Variants in ATRNL1 observed in about 807,000 individuals in gnomAD.
ATRNL1 encodes attractin-like protein 1.
A neutral mutation model predicts 182.7 loss-of-function variants in ATRNL1; 95 were observed. The observed-to-expected ratio is 0.52, with a 90% confidence interval of 0.44 to 0.62. The LOEUF (loss-of-function observed/expected upper bound fraction) is 0.62, where lower values mean the gene tolerates loss of function less well. ATRNL1 is among the 20% of genes least tolerant of loss of function. The pLI, the probability that ATRNL1 is intolerant of heterozygous loss-of-function variation, is 0.00. For synonymous variants in ATRNL1, 576 were observed against 568.3 expected (o/e 1.01, Z -0.19); for missense variants, 1,471 against 1,679.5 (o/e 0.88, Z 2.17).
chr10:115,922,266 A>G (rs980550448), intron 28 of ATRNL1, among the ~76,000 whole-genome samples: 2 of 152,324 alleles, frequency 1.3e-5, no homozygotes, highest in Admixed American at 1.3e-4. Flanking sequence ...AGGGATCTGT[A>G]TGTTTTAATA....
At chr10:115,261,827 A>G (rs782318950) in intron 10 of ATRNL1, among the ~76,000 whole-genome samples, 4 of 151,994 alleles carry the variant, frequency 2.6e-5, no homozygotes, top group Non-Finnish European at 5.9e-5. Context: ...CCAGGAATTA[A>G]TTTAGTCCAG....
chr10:115,922,115 A>G (rs1953084060), intron 28 of ATRNL1, among the ~76,000 whole-genome samples: 1 of 152,116 alleles, frequency 6.6e-6, no homozygotes, highest in South Asian at 2.1e-4. Context: ...CCCTGCCCCC[A>G]CGTTCACTGG....
chr10:115,261,607 C>G (rs1399832543), intron 10 of ATRNL1, among the ~76,000 whole-genome samples: 1 of 151,990 alleles, frequency 6.6e-6, no homozygotes, highest in Non-Finnish European at 1.5e-5. Flanking sequence ...AGTAGATATA[C>G]AGAAAGGTAA....
intron 21 of ATRNL1, among the ~76,000 whole-genome samples, chr10:115,445,506 C>CGTGT (rs57237450): frequency 0.022 from 2,592 of 119,198 alleles, 27 homozygotes; most frequent in African/African-American, 0.031. Context: ...CTCATTTGTC[C>CGTGT]GTGTGTGTGT....
At chr10:115,283,150 A>G (rs1342080880) in intron 14 of ATRNL1, among the ~76,000 whole-genome samples, 1 of 152,146 alleles carries the variant, frequency 6.6e-6, no homozygotes, top group Non-Finnish European at 1.5e-5. Flanking sequence ...ACGGTGTCTC[A>G]CACCTGTAAT....
chr10:115,727,454 T>C, intron 27 of ATRNL1, 99 bp downstream of exon 27: 1 of 859,184 alleles, frequency 1.2e-6, no homozygotes, highest in Non-Finnish European at 1.9e-6. Context: ...CAGAGTCTGA[T>C]TATCTACAGT....
chr10:115,932,058 C>T (rs1423657749), intron 28 of ATRNL1, among the ~76,000 whole-genome samples: 1 of 152,198 alleles, frequency 6.6e-6, no homozygotes, highest in Non-Finnish European at 1.5e-5. Flanking sequence ...CTTTCTGACA[C>T]TTCTCAATCT....
intron 9 of ATRNL1, among the ~76,000 whole-genome samples, chr10:115,232,109 G>A (rs1158990591): frequency 1.3e-5 from 2 of 152,032 alleles, no homozygotes; most frequent in Non-Finnish European, 2.9e-5. Context: ...ATTGTTTCAC[G>A]ACAGTTTGTC....
At chr10:115,565,728 T>C (rs186420905) in intron 26 of ATRNL1, among the ~76,000 whole-genome samples, 119 of 152,254 alleles carry the variant, frequency 7.8e-4, no homozygotes, top group Non-Finnish European at 1.4e-3. Flanking sequence ...TGTAAGATTA[T>C]AATTAAAAAC....
chr10:115,917,010 G>A (rs1555117425), intron 28 of ATRNL1, among the ~76,000 whole-genome samples: 3 of 152,324 alleles, frequency 2.0e-5, no homozygotes, highest in Non-Finnish European at 4.4e-5. Context: ...TACAAGTGAA[G>A]AGAGCTGCTA....
intron 26 of ATRNL1, among the ~76,000 whole-genome samples, chr10:115,717,305 C>T (rs1317480437): frequency 6.6e-6 from 1 of 152,066 alleles, no homozygotes; most frequent in Non-Finnish European, 1.5e-5. Flanking sequence ...CTGAGATATA[C>T]AAAGAAAATT....
chr10:115,912,252 T>C (rs1952703168), intron 28 of ATRNL1, among the ~76,000 whole-genome samples: 1 of 152,122 alleles, frequency 6.6e-6, no homozygotes, highest in Non-Finnish European at 1.5e-5. Flanking sequence ...TTAAGGAAAT[T>C]AACATATCCA....
chr10:115,564,838 A>C (rs1263874041), intron 26 of ATRNL1, among the ~76,000 whole-genome samples: 1 of 151,980 alleles, frequency 6.6e-6, no homozygotes, highest in Non-Finnish European at 1.5e-5. Context: ...TAATAATAGC[A>C]TATTCTTTAT....
At chr10:115,366,441 C>T (rs1554945950) in intron 19 of ATRNL1, among the ~76,000 whole-genome samples, 1 of 152,080 alleles carries the variant, frequency 6.6e-6, no homozygotes, top group Non-Finnish European at 1.5e-5. Context: ...TTCCTGAATA[C>T]AGCACACTGA....
intron 1 of ATRNL1, among the ~76,000 whole-genome samples, chr10:115,112,057 CAAAA>C (rs200465560): frequency 7.6e-6 from 1 of 131,982 alleles, no homozygotes; most frequent in Non-Finnish European, 1.6e-5. Flanking sequence ...AAAAACAAAA[CAAAA>C]AAAACCCAAA....
chr10:115,228,900 G>A (rs368939532), intron 9 of ATRNL1, among the ~76,000 whole-genome samples: 39 of 151,352 alleles, frequency 2.6e-4, no homozygotes, highest in African/African-American at 8.5e-4. Flanking sequence ...TGAGTAGCTG[G>A]GATTACAGGC....
chr10:115,559,444 G>GTGTA (rs1554998463), intron 26 of ATRNL1, among the ~76,000 whole-genome samples: 1,099 of 62,808 alleles, frequency 0.017, 5 homozygotes, highest in Non-Finnish European at 0.025. Context: ...GTGTGTGTGT[G>GTGTA]CGCGCGCGCA....
intron 8 of ATRNL1, among the ~76,000 whole-genome samples, chr10:115,196,708 A>G (rs1848375932): frequency 6.6e-6 from 1 of 152,110 alleles, no homozygotes. Context: ...TAAATTTATA[A>G]CAGCTGATTG....
At position 115,115,075 on chromosome 10, in the gene ATRNL1, G is replaced by A. The variant is rs150089802; in HGVS notation, c.294-5110G>A. Reference sequence around the variant, plus strand: ...ATAAAGGGACAAAATCCTGTCATTTGTGACAACATAGATGAAACTAGAGGC... The same window carrying A: ...ATAAAGGGACAAAATCCTGTCATTTATGACAACATAGATGAAACTAGAGGC... On this transcript the variant is annotated intron_variant, in intron 1 of 28. Transcript: ENST00000355044. 2.4e-3 allele frequency among the ~76,000 whole-genome samples: 365 copies of A among 152,240 alleles called. 1 individual carries two copies. Among genetic ancestry groups the A allele is most frequent in the Middle Eastern group, 0.01 (3 of 294 alleles).
Sources: gnomAD v4.1 joint callset for allele counts (sites outside exome capture counted in the v4.1 genomes callset) on GRCh38, gnomAD v4.1.1 for gene constraint, MANE v1.5 for transcripts, NCBI Gene and HGNC (gene_info 2026-07-23, HGNC 2026-07-21) for gene names.